The following KCNT2 variants were observed in gnomAD, a reference collection of about 807,000 sequenced individuals.
The protein encoded by KCNT2 is potassium channel subfamily T member 2.
In KCNT2, 67 loss-of-function variants were observed where a neutral mutation model predicts 153.8. That is an observed-to-expected ratio of 0.44 (90% CI 0.36 to 0.53). KCNT2 has a LOEUF of 0.53. Among genes scored for constraint, KCNT2 ranks in the 20% least tolerant of loss-of-function variants. The pLI, the probability that KCNT2 is intolerant of heterozygous loss-of-function variation, is 0.00. For synonymous variants in KCNT2, 500 were observed against 458.8 expected, an observed-to-expected ratio of 1.09 and a Z score of -1.15; for missense variants, 975 against 1,354.8, an observed-to-expected ratio of 0.72 and a Z score of 4.40.
chr1:196,521,562 T>C (rs556424452), intron 1 of KCNT2, among the ~76,000 whole-genome samples: 52 of 152,114 alleles, frequency 3.4e-4, no homozygotes, highest in Non-Finnish European at 6.6e-4. Flanking sequence ...TGTCCATCAA[T>C]GGTAGACTGA....
At chr1:196,316,908 T>C (rs1225200404) in intron 20 of KCNT2, among the ~76,000 whole-genome samples, 1 of 151,822 alleles carries the variant, frequency 6.6e-6, no homozygotes, top group Non-Finnish European at 1.5e-5. Flanking sequence ...AGTACAAGAA[T>C]GTTCTAGGTA....
chr1:196,257,307 ACT>A, intron 26 of KCNT2: 1 of 982,778 alleles, frequency 1.0e-6, no homozygotes, highest in Non-Finnish European at 1.2e-6. Context: ...CTTCTCTTAA[ACT>A]CTAATTCAAA....
At chr1:196,420,889 C>A (rs1437440399) in intron 12 of KCNT2, among the ~76,000 whole-genome samples, 1 of 151,948 alleles carries the variant, frequency 6.6e-6, no homozygotes, top group Non-Finnish European at 1.5e-5. Context: ...ACTCTTTTAC[C>A]AGGATTAGGA....
intron 1 of KCNT2, among the ~76,000 whole-genome samples, chr1:196,518,192 T>C (rs1219757691): frequency 1.3e-5 from 2 of 152,118 alleles, no homozygotes; most frequent in Non-Finnish European, 2.9e-5. Context: ...AGAAGAAATA[T>C]GATCCTTTCC....
chr1:196,450,015 T>C (rs1275241133), intron 8 of KCNT2, among the ~76,000 whole-genome samples: 3 of 151,746 alleles, frequency 2.0e-5, no homozygotes, highest in African/African-American at 4.8e-5. Context: ...GAAAGGGCTG[T>C]GTTTGAAGAA....
intron 22 of KCNT2, among the ~76,000 whole-genome samples, chr1:196,303,116 T>C (rs1661337130): frequency 6.6e-6 from 1 of 152,126 alleles, no homozygotes; most frequent in Admixed American, 6.5e-5. Flanking sequence ...TGTCAAAAAC[T>C]TGTAACTGGA....
At chr1:196,252,500 A>G (rs571948680) in intron 26 of KCNT2, among the ~76,000 whole-genome samples, 2 of 151,790 alleles carry the variant, frequency 1.3e-5, no homozygotes, top group South Asian at 2.1e-4. Context: ...CACATGTAGT[A>G]GAACAACCTT....
chr1:196,235,098 A>G (rs1654312961), intron 27 of KCNT2, among the ~76,000 whole-genome samples: 1 of 151,414 alleles, frequency 6.6e-6, no homozygotes, highest in South Asian at 2.1e-4. Context: ...TTTGTCACGT[A>G]AGACCTTTCC....
Position 196,479,228 on chromosome 1 carries a change from G to T in KCNT2, c.335C>A (p.Ala112Glu). 2 of 1,566,418 alleles carry T rather than the reference G, an allele frequency of 1.3e-6. No homozygotes were observed. The highest frequency in any genetic ancestry group is 1.7e-6 in the Non-Finnish European group (2 of 1,142,976). The change falls in exon 5 of 28, where the codon GCA becomes GAA. Residue 112 changes from alanine to glutamate, a missense_variant. By Grantham distance (107) the Ala-to-Glu change is moderately radical (BLOSUM62 -1). Around this residue, in one of 6 missense-constraint regions of KCNT2, gnomAD observed 140 missense variants for 216.0 expected, o/e 0.65. Transcript: ENST00000294725. ...LPLWGLQVSV[A>E]LISLFETILL... is the part of the protein sequence containing the mutation. ...TATTGTTTCAAACAGACTTATCAATGCCACTGAAACCTGAAAGATAAATTG... is the reference window on the plus strand; with the variant it reads ...TATTGTTTCAAACAGACTTATCAATTCCACTGAAACCTGAAAGATAAATTG...
intron 1 of KCNT2, among the ~76,000 whole-genome samples, chr1:196,581,249 C>T (rs1421507095): frequency 2.6e-5 from 4 of 151,740 alleles, no homozygotes; most frequent in African/African-American, 9.7e-5. Flanking sequence ...TTTTTATTGT[C>T]ATAGAAAAAT....
At position 196,570,339 on chromosome 1, in the gene KCNT2, AT is replaced by A. The variant is rs764214652; in HGVS notation, c.95+37875del. On this transcript the variant is annotated intron_variant, in intron 1 of 27. Transcript: ENST00000294725. ...TTTTCACAGTGCATTTGATTACATA[AT>A]TTTAATTTTGCCTGAGTAAACCTGA... Among the ~76,000 whole-genome samples, 4 of 152,206 alleles carry A rather than the reference AT, an allele frequency of 2.6e-5. No individual in the cohort carries two copies. In the East Asian group the frequency reaches 7.7e-4, roughly 29 times the overall value.
At chr1:196,341,162 T>G (rs934861723) in intron 15 of KCNT2, among the ~76,000 whole-genome samples, 5 of 152,008 alleles carry the variant, frequency 3.3e-5, no homozygotes, top group African/African-American at 1.2e-4. Flanking sequence ...TATTGTTAAA[T>G]AAAAAATGCT....
intron 1 of KCNT2, among the ~76,000 whole-genome samples, chr1:196,598,708 G>A (rs80124690): frequency 0.021 from 3,138 of 152,168 alleles, 116 homozygotes; most frequent in African/African-American, 0.072. Context: ...ACCTCTTACA[G>A]GTCATGTGAC....
intron 1 of KCNT2, among the ~76,000 whole-genome samples, chr1:196,538,364 G>T (rs1005814964): frequency 6.6e-6 from 1 of 152,100 alleles, no homozygotes; most frequent in African/African-American, 2.4e-5. Flanking sequence ...GAAATTAATT[G>T]TTAGGTTCTA....
intron 8 of KCNT2, among the ~76,000 whole-genome samples, chr1:196,431,840 A>C (rs1156305026): frequency 2.0e-5 from 3 of 152,172 alleles, no homozygotes; most frequent in African/African-American, 7.2e-5. Context: ...ATTGTGCTCC[A>C]GAGAAAACAC....
chr1:196,540,152 T>C (rs913122139), intron 1 of KCNT2, among the ~76,000 whole-genome samples: 1 of 152,114 alleles, frequency 6.6e-6, no homozygotes, highest in African/African-American at 2.4e-5. Context: ...CTCTTAGTAG[T>C]TTTTAAGTCC....
intron 1 of KCNT2, among the ~76,000 whole-genome samples, chr1:196,515,876 G>A (rs1682008360): frequency 6.6e-6 from 1 of 152,130 alleles, no homozygotes; most frequent in Non-Finnish European, 1.5e-5. Context: ...AAGTGAGTGA[G>A]TGACCCCAGG....
chr1:196,226,944 G>A lies in KCNT2; in HGVS notation c.*1280C>T, dbSNP rs1183047924. 1 of 151,870 alleles carries A rather than the reference G, an allele frequency of 6.6e-6. No homozygotes were observed. Among genetic ancestry groups the A allele is most frequent in the East Asian group, 1.9e-4 (1 of 5,174 alleles). 9.4% of individuals were successfully genotyped at this position (151,870 alleles called of 1,614,324 possible). On this transcript the variant is annotated 3_prime_UTR_variant, in exon 28 of 28. Transcript: ENST00000294725. The stretch of plus-strand genomic sequence containing the variant: ...ACACTTCTACTACCTGGTAAACTAT[G>A]TACGCATACTCTTGTGCTCTTTTGA...
intron 1 of KCNT2, among the ~76,000 whole-genome samples, chr1:196,585,475 A>C (rs1403767767): frequency 2.0e-5 from 3 of 152,120 alleles, no homozygotes; most frequent in Non-Finnish European, 4.4e-5. Flanking sequence ...AACAATTAAT[A>C]CTAATGAATT....
Sources: gnomAD v4.1 joint callset for allele counts (sites outside exome capture counted in the v4.1 genomes callset) on GRCh38, gnomAD v4.1.1 for gene constraint, gnomAD v4.1.1 regional missense constraint, MANE v1.5 for transcripts, NCBI Gene and HGNC (gene_info 2026-07-23, HGNC 2026-07-21) for gene names.